The following ADK variants were observed in gnomAD, a reference collection of about 807,000 sequenced individuals.
The protein encoded by ADK is N6,N6-dimethyladenosine kinase.
In ADK, 24 loss-of-function variants were observed where a neutral mutation model predicts 44.7. That is an observed-to-expected ratio of 0.54 (90% CI 0.39 to 0.76). The LOEUF is 0.76. ADK is among the 30% of genes least tolerant of loss of function. The pLI is 0.00. For missense variants in ADK, 321 were observed against 425.1 expected, an observed-to-expected ratio of 0.76 and a Z score of 2.15; for synonymous variants, 128 against 142.6, an observed-to-expected ratio of 0.90 and a Z score of 0.73.
chr10:74,481,055 T>A (rs879425297), intron 6 of ADK, among the ~76,000 whole-genome samples: 1 of 152,172 alleles, frequency 6.6e-6, no homozygotes, highest in East Asian at 1.9e-4. Flanking sequence ...CTTTTTAGAT[T>A]TTCACTTTAT....
chr10:74,242,515 G>A (rs1217502525), intron 3 of ADK, among the ~76,000 whole-genome samples: 4 of 109,900 alleles, frequency 3.6e-5, no homozygotes, highest in Non-Finnish European at 7.2e-5. Context: ...CAACCTTTTT[G>A]TTTGGCTTTA....
intron 3 of ADK, among the ~76,000 whole-genome samples, chr10:74,307,829 A>C (rs114658135): frequency 0.013 from 1,924 of 152,242 alleles, 46 homozygotes; most frequent in African/African-American, 0.044. Context: ...AGGGAGGTGG[A>C]GTGTATAATT....
chr10:74,275,012 C>T (rs1846618758), intron 3 of ADK, among the ~76,000 whole-genome samples: 1 of 151,502 alleles, frequency 6.6e-6, no homozygotes, highest in South Asian at 2.1e-4. Flanking sequence ...TTTTGAGGGC[C>T]AGTAAATCAT....
chr10:74,652,037 ACTTT>A (rs1439484565), intron 9 of ADK, among the ~76,000 whole-genome samples: 27 of 148,620 alleles, frequency 1.8e-4, no homozygotes, highest in Non-Finnish European at 3.6e-4. Flanking sequence ...ATATGAAGGA[ACTTT>A]CTTTCTTTCT....
At chr10:74,510,307 T>C (rs1035099324) in intron 6 of ADK, among the ~76,000 whole-genome samples, 2 of 152,204 alleles carry the variant, frequency 1.3e-5, no homozygotes, top group African/African-American at 4.8e-5. Flanking sequence ...ATTTCTCTGA[T>C]GATTAGTGAT....
intron 6 of ADK, among the ~76,000 whole-genome samples, chr10:74,447,943 G>A (rs374361856): frequency 6.6e-6 from 1 of 152,186 alleles, no homozygotes; most frequent in African/African-American, 2.4e-5. Flanking sequence ...GGAGGCTGAG[G>A]GGGGTGGATC....
rs78246351 is a variant in ADK at position 74,286,798 on chromosome 10, A to G, written c.195-27869A>G. 5.7e-3 allele frequency among the ~76,000 whole-genome samples: 869 copies of G among 152,350 alleles called. 11 individuals carry two copies. Among genetic ancestry groups the G allele is most frequent in the African/African-American group, 0.02 (834 of 41,572 alleles). ...TTGTGGCAAATGATTCGCATGTATTATCACACTTAATGCTCACAAGAATAC... is the reference window on the plus strand; with the variant it reads ...TTGTGGCAAATGATTCGCATGTATTGTCACACTTAATGCTCACAAGAATAC... On this transcript the variant is annotated intron_variant, in intron 3 of 10. Coordinates refer to ENST00000539909, the MANE Select transcript of ADK (RefSeq NM_006721.4).
At chr10:74,619,411 C>T (rs1448876623) in intron 9 of ADK, among the ~76,000 whole-genome samples, 7 of 151,308 alleles carry the variant, frequency 4.6e-5, no homozygotes, top group Admixed American at 1.3e-4. Flanking sequence ...GCCAAGATCG[C>T]ACCACTGCAC....
At chr10:74,547,650 T>TTTTTG (rs1300521072) in intron 7 of ADK, among the ~76,000 whole-genome samples, 18 of 150,856 alleles carry the variant, frequency 1.2e-4, no homozygotes, top group African/African-American at 1.7e-4. Flanking sequence ...CCCAGCTAAT[T>TTTTTG]TTTTGTTTTG....
chr10:74,272,308 C>T (rs997663699), intron 3 of ADK, among the ~76,000 whole-genome samples: 1 of 151,676 alleles, frequency 6.6e-6, no homozygotes, highest in Non-Finnish European at 1.5e-5. Context: ...GACAGGGTCT[C>T]ACTCTGTCAT....
At chr10:74,498,754 C>A (rs1847784828) in intron 6 of ADK, among the ~76,000 whole-genome samples, 1 of 152,142 alleles carries the variant, frequency 6.6e-6, no homozygotes, top group Non-Finnish European at 1.5e-5. Flanking sequence ...CAATTCCCAC[C>A]TATGAGTGAG....
intron 6 of ADK, among the ~76,000 whole-genome samples, chr10:74,436,467 T>A (rs1302233781): frequency 1.7e-5 from 2 of 114,938 alleles, no homozygotes; most frequent in Non-Finnish European, 4.2e-5. Context: ...TTAGTCTTCA[T>A]TTACTGTCTC....
chr10:74,206,935 C>T (rs1843620643), intron 2 of ADK, among the ~76,000 whole-genome samples: 1 of 152,096 alleles, frequency 6.6e-6, no homozygotes, highest in South Asian at 2.1e-4. Context: ...GCTTGTTCTG[C>T]TTGTTTGGCC....
intron 6 of ADK, among the ~76,000 whole-genome samples, chr10:74,449,954 G>C (rs181043643): frequency 1.3e-5 from 2 of 152,230 alleles, no homozygotes; most frequent in East Asian, 3.9e-4. Context: ...AGTGTGATCT[G>C]TTATATGTAT....
At chr10:74,488,886 C>T (rs915433950) in intron 6 of ADK, among the ~76,000 whole-genome samples, 7 of 151,814 alleles carry the variant, frequency 4.6e-5, no homozygotes, top group African/African-American at 1.7e-4. Context: ...AACTTACCAC[C>T]TTTGTGATCT....
Position 74,162,954 on chromosome 10 carries a change from C to T in ADK, c.65+11611C>T, listed in dbSNP as rs547891156. ...CCTCAGAATAAATACACTTCTCCTACGTGAACAGTAACATTTTCTTTCTTT... is the reference window on the plus strand; with the variant it reads ...CCTCAGAATAAATACACTTCTCCTATGTGAACAGTAACATTTTCTTTCTTT... On this transcript the variant is annotated intron_variant, in intron 1 of 10. Coordinates refer to ENST00000539909, the MANE Select transcript of ADK (RefSeq NM_006721.4). 5.3e-5 allele frequency among the ~76,000 whole-genome samples: 8 copies of T among 152,084 alleles called. No individual in the cohort carries two copies. The South Asian group carries it at 6.3e-4, about 12-fold the overall frequency.
intron 7 of ADK, among the ~76,000 whole-genome samples, chr10:74,575,459 T>C (rs1851151302): frequency 6.6e-6 from 1 of 152,148 alleles, no homozygotes; most frequent in Non-Finnish European, 1.5e-5. Context: ...CAAGAAGACT[T>C]CTGTTATGCA....
At position 74,244,888 on chromosome 10, in the gene ADK, G is replaced by C. The variant is rs532472024; in HGVS notation, c.194+20297G>C. Among the ~76,000 whole-genome samples the C allele has an allele frequency of 2.7e-4, 41 of 152,266 alleles. No homozygotes were observed. In the South Asian group the frequency reaches 8.1e-3, roughly 30 times the overall value. On this transcript the variant is annotated intron_variant, in intron 3 of 10. Coordinates refer to ENST00000539909, the MANE Select transcript of ADK (RefSeq NM_006721.4). ...AATGACGATCCATTAGAGTCAAAAT[G>C]GTTAGTTAGCTAATGAAATACACTT...
chr10:74,703,992 C>T (rs1358403308), intron 10 of ADK, among the ~76,000 whole-genome samples: 3 of 151,998 alleles, frequency 2.0e-5, no homozygotes, highest in African/African-American at 4.8e-5. Flanking sequence ...GAATCCTTTT[C>T]AAATAAAATA....
Sources: allele counts gnomAD v4.1 joint callset (sites outside exome capture counted in the v4.1 genomes callset), GRCh38; gene constraint gnomAD v4.1.1; transcripts MANE v1.5; gene names NCBI Gene and HGNC (gene_info 2026-07-23, HGNC 2026-07-21).